NCALD: variants seen among roughly 807,000 people sequenced by gnomAD.
NCALD encodes the protein neurocalcin-delta.
NCALD carries 10 observed loss-of-function variants against 18.6 expected under a neutral mutation model. That is an observed-to-expected ratio of 0.54 (90% CI 0.33 to 0.91). The LOEUF (loss-of-function observed/expected upper bound fraction) is 0.91. Ranked by LOEUF, NCALD falls within the 40% of genes least tolerant of loss-of-function variation. NCALD has a pLI of 0.03. For synonymous variants in NCALD, 88 were observed against 87.4 expected, an observed-to-expected ratio of 1.01 and a Z score of -0.04; for missense variants, 184 against 247.6, an observed-to-expected ratio of 0.74 and a Z score of 1.72.
At chr8:101,862,244 A>T (rs1815572268) in intron 4 of NCALD, among the ~76,000 whole-genome samples, 1 of 152,238 alleles carries the variant, frequency 6.6e-6, no homozygotes. Context: ...AATTTGTTTT[A>T]GTTGCAATTT....
chr8:102,123,965 C>G (rs1482618879), intron 1 of NCALD: 1 of 152,730 alleles, frequency 6.5e-6, no homozygotes, highest in Non-Finnish European at 1.5e-5. Flanking sequence ...CTCTCCTTTT[C>G]TGCCGCCCAC....
chr8:101,799,294 A>C (rs1812751684), intron 4 of NCALD, among the ~76,000 whole-genome samples: 1 of 152,236 alleles, frequency 6.6e-6, no homozygotes, highest in South Asian at 2.1e-4. Context: ...AAATGCCAGC[A>C]AGGATGCAGA....
chr8:101,925,810 T>C (rs1174511504), intron 2 of NCALD, among the ~76,000 whole-genome samples: 1 of 152,118 alleles, frequency 6.6e-6, no homozygotes, highest in East Asian at 1.9e-4. Flanking sequence ...GAATCAACAT[T>C]ATAGACATCA....
chr8:101,799,552 A>G (rs930864353), intron 4 of NCALD, among the ~76,000 whole-genome samples: 5 of 152,224 alleles, frequency 3.3e-5, no homozygotes, highest in African/African-American at 1.2e-4. Context: ...TGAGTAAATG[A>G]ACTGTACTAT....
At chr8:101,880,078 G>A (rs117153637) in intron 4 of NCALD, among the ~76,000 whole-genome samples, 14,013 of 149,010 alleles carry the variant, frequency 0.094, 659 homozygotes, top group East Asian at 0.21. Flanking sequence ...CCCATGGTGT[G>A]GGGGGGAGGG....
intron 4 of NCALD, among the ~76,000 whole-genome samples, chr8:101,807,257 C>G (rs1469213386): frequency 6.6e-6 from 1 of 152,082 alleles, no homozygotes; most frequent in Non-Finnish European, 1.5e-5. Context: ...CATATTTCTT[C>G]TTCTTTCTTC....
intron 1 of NCALD, among the ~76,000 whole-genome samples, chr8:102,102,116 T>C (rs1391524524): frequency 6.6e-6 from 1 of 152,242 alleles, no homozygotes; most frequent in Non-Finnish European, 1.5e-5. Context: ...GTCTTTTGAG[T>C]AAGAATGTGA....
At chr8:102,112,319 A>AG (rs1455501918) in intron 1 of NCALD, among the ~76,000 whole-genome samples, 1 of 152,180 alleles carries the variant, frequency 6.6e-6, no homozygotes, top group Non-Finnish European at 1.5e-5. Context: ...TACAAGCTCC[A>AG]GGGGCCTCAC....
At chr8:101,889,124 T>A (rs1816781355) in intron 3 of NCALD, among the ~76,000 whole-genome samples, 1 of 152,210 alleles carries the variant, frequency 6.6e-6, no homozygotes, top group Admixed American at 6.5e-5. Flanking sequence ...GCCCTTCTTC[T>A]TCATCATGCC....
At chr8:101,955,826 T>C (rs1325611372) in intron 2 of NCALD, among the ~76,000 whole-genome samples, 1 of 152,198 alleles carries the variant, frequency 6.6e-6, no homozygotes, top group African/African-American at 2.4e-5. Flanking sequence ...GTAGCTTAGA[T>C]ACTAGTATTG....
chr8:101,694,215 C>T (rs1329217973), intron 2 of NCALD: 1 of 152,138 alleles, frequency 6.6e-6, no homozygotes, highest in African/African-American at 2.4e-5. Flanking sequence ...CAGAAAATTT[C>T]AGAGAGTTCT....
chr8:101,836,524 G>A (rs1001079839), intron 4 of NCALD, among the ~76,000 whole-genome samples: 55 of 152,246 alleles, frequency 3.6e-4, no homozygotes, highest in Middle Eastern at 3.4e-3. Flanking sequence ...TTTGACTGGA[G>A]TAAATCAATA....
intron 1 of NCALD, among the ~76,000 whole-genome samples, chr8:102,109,587 G>A (rs1045113640): frequency 2.6e-5 from 4 of 152,040 alleles, no homozygotes; most frequent in African/African-American, 9.7e-5. Flanking sequence ...ATGTCAAATG[G>A]GCAAGTGATA....
intron 2 of NCALD, among the ~76,000 whole-genome samples, chr8:101,977,829 T>C (rs775654346): frequency 5.9e-5 from 9 of 152,210 alleles, no homozygotes; most frequent in Non-Finnish European, 1.0e-4. Flanking sequence ...ATTTTTATCC[T>C]AGCTCAGACA....
At chr8:101,981,148 A>G (rs1452951266) in intron 2 of NCALD, among the ~76,000 whole-genome samples, 1 of 152,142 alleles carries the variant, frequency 6.6e-6, no homozygotes, top group Non-Finnish European at 1.5e-5. Context: ...ACCTCCTCTT[A>G]TATTTCTCAA....
At chr8:102,121,612 C>A (rs1244857819) in intron 1 of NCALD, among the ~76,000 whole-genome samples, 1 of 152,188 alleles carries the variant, frequency 6.6e-6, no homozygotes, top group African/African-American at 2.4e-5. Flanking sequence ...ATTCACTGCA[C>A]AACCCTTTCA....
At chr8:101,825,476 T>C (rs1813898033) in intron 4 of NCALD, among the ~76,000 whole-genome samples, 2 of 152,168 alleles carry the variant, frequency 1.3e-5, no homozygotes, top group African/African-American at 4.8e-5. Flanking sequence ...TGTGGGTAAA[T>C]GGAGAGTGAG....
upstream of NCALD, chr8:102,124,660 G>A (rs1826056328): frequency 6.6e-6 from 1 of 152,512 alleles, no homozygotes. Flanking sequence ...ATTCAGCCTA[G>A]AGCACCTCCT....
At chr8:101,935,798 TTTTTTTTA>T (rs1214455628) in intron 2 of NCALD, among the ~76,000 whole-genome samples, 5 of 147,208 alleles carry the variant, frequency 3.4e-5, no homozygotes, top group African/African-American at 1.3e-4. Flanking sequence ...TTTTTTTTTT[TTTTTTTTA>T]AAGATGGAAG....
Sources: allele counts gnomAD v4.1 joint callset (sites outside exome capture counted in the v4.1 genomes callset), GRCh38; gene constraint gnomAD v4.1.1; transcripts MANE v1.5; gene names NCBI Gene and HGNC (gene_info 2026-07-23, HGNC 2026-07-21).